Variants in ZNF730 observed in about 807,000 individuals in gnomAD.
The protein encoded by ZNF730 is zinc finger protein 730, also known as putative zinc finger protein 730.
In ZNF730, 12 loss-of-function variants were observed where a neutral mutation model predicts 12.6. The observed-to-expected ratio is 0.95, with a 90% confidence interval of 0.61 to 1.54. The LOEUF (loss-of-function observed/expected upper bound fraction) is 1.54, where lower values mean the gene tolerates loss of function less well. Ranked by LOEUF, ZNF730 falls within the 40% of genes most tolerant of loss-of-function variation. The pLI, the probability that ZNF730 is intolerant of heterozygous loss-of-function variation, is 0.00. For synonymous variants in ZNF730, 194 were observed against 195.8 expected, an observed-to-expected ratio of 0.99 and a Z score of 0.08; for missense variants, 643 against 583.5, an observed-to-expected ratio of 1.10 and a Z score of -1.05.
chr19:23,138,364 G>A (rs1439377444), intron 3 of ZNF730, among the ~76,000 whole-genome samples: 3 of 152,092 alleles, frequency 2.0e-5, no homozygotes, highest in Non-Finnish European at 4.4e-5. Flanking sequence ...GGGTTTCCAT[G>A]TAGGTAGAGC....
At chr19:23,116,435 T>C (rs751337166), upstream of ZNF730, among the ~76,000 whole-genome samples, 3 of 151,618 alleles carry the variant, frequency 2.0e-5, no homozygotes, top group African/African-American at 7.3e-5. Flanking sequence ...CTTCCTTTCA[T>C]CTCACTCTGT....
intron 1 of ZNF730, among the ~76,000 whole-genome samples, chr19:23,083,719 A>G (rs1383310725): frequency 1.3e-5 from 2 of 151,808 alleles, no homozygotes; most frequent in East Asian, 1.9e-4. Context: ...TTAGCCATTC[A>G]TATGTTTTTT....
rs1970826622 is a variant in ZNF730, at chr19:23,135,993, A to G, written c.176A>G (p.Glu59Gly). ...GACCTGATCACCTGTCTGGAGCAAG[A>G]AAAAGAGCCTTGGAATTTGAAGACA... Reference protein sequence around the residue: ...KPDLITCLEQEKEPWNLKTHD... With the variant: ...KPDLITCLEQGKEPWNLKTHD... The change falls in exon 3 of 4, where the codon GAA (glutamate) becomes GGA (glycine). Residue 59 changes from glutamate to glycine, a missense_variant. Coordinates refer to ENST00000597761, the MANE Select transcript of ZNF730 (RefSeq NM_001277403.2). 5.0e-6 allele frequency: 8 copies of G among 1,609,010 alleles called. No homozygotes were observed. The highest frequency in any genetic ancestry group is 6.8e-6 in the Non-Finnish European group (8 of 1,177,604).
chr19:23,093,126 G>A (rs890717133), intron 1 of ZNF730, among the ~76,000 whole-genome samples: 1 of 152,062 alleles, frequency 6.6e-6, no homozygotes, highest in African/African-American at 2.4e-5. Flanking sequence ...ACAGGCACAC[G>A]CCACTAGGCC....
At chr19:23,117,308 G>A in intron 1 of ZNF730, 132 bp downstream of exon 1, 4 of 1,539,744 alleles carry the variant, frequency 2.6e-6, no homozygotes, top group East Asian at 2.3e-5. Context: ...TGCCCAGCTC[G>A]GCCTCAGTCC....
At chr19:23,143,485 T>C (rs1970958119) in intron 3 of ZNF730, 1 of 152,212 alleles carries the variant, frequency 6.6e-6, no homozygotes, top group Non-Finnish European at 1.5e-5. Context: ...AAATCCTTTT[T>C]TTATGTATGT....
chr19:23,080,852 T>C (rs1051915837), intron 1 of ZNF730, among the ~76,000 whole-genome samples: 24 of 148,814 alleles, frequency 1.6e-4, no homozygotes, highest in Middle Eastern at 3.4e-3. Flanking sequence ...CTTTTCTTTT[T>C]TTTTTTTTTT....
intron 1 of ZNF730, among the ~76,000 whole-genome samples, chr19:23,117,926 T>C (rs945959673): frequency 2.6e-5 from 4 of 152,180 alleles, no homozygotes; most frequent in East Asian, 1.9e-4. Context: ...GCCACGTACC[T>C]CGAATTGCCT....
chr19:23,142,737 T>C (rs1386582788), intron 3 of ZNF730, among the ~76,000 whole-genome samples: 1 of 150,118 alleles, frequency 6.7e-6, no homozygotes, highest in Non-Finnish European at 1.5e-5. Context: ...AAGTTAATTA[T>C]ATATATTTTT....
chr19:23,122,270 A>G lies in ZNF730; in HGVS notation c.3+5094A>G, dbSNP rs566526997. ...ATTTTCCTGCCTCAGCCATTCAAGT[A>G]GCTGGGATTACAGGCTCCTGCCACC... On this transcript the variant is annotated intron_variant, in intron 1 of 3. Coordinates refer to ENST00000597761, the MANE Select transcript of ZNF730 (RefSeq NM_001277403.2). Among the ~76,000 whole-genome samples the G allele has an allele frequency of 3.3e-5, 5 of 150,610 alleles. No individual in the cohort carries two copies. The South Asian group carries it at 1.0e-3, about 32-fold the overall frequency.
chr19:23,092,230 A>G (rs780628848), intron 1 of ZNF730, among the ~76,000 whole-genome samples: 1 of 152,152 alleles, frequency 6.6e-6, no homozygotes, highest in Non-Finnish European at 1.5e-5. Flanking sequence ...TGGAACTGTA[A>G]GTCCAATTAA....
At chr19:23,076,848 A>T (rs1969870570) in intron 1 of ZNF730, among the ~76,000 whole-genome samples, 1 of 152,222 alleles carries the variant, frequency 6.6e-6, no homozygotes, top group Non-Finnish European at 1.5e-5. Context: ...ATATACCCAA[A>T]ATAATATAAA....
chr19:23,095,885 A>T (rs1335722554), intron 1 of ZNF730, among the ~76,000 whole-genome samples: 1 of 152,140 alleles, frequency 6.6e-6, no homozygotes, highest in Admixed American at 6.5e-5. Context: ...TAGCATACAC[A>T]TGATGTGATT....
rs1295983073 is a variant in ZNF730, at chr19:23,145,421, AC to A, written c.378del (p.His126GlnfsTer12). 1.3e-6 allele frequency: 2 copies of A among 1,584,444 alleles called. No homozygotes were observed. The highest frequency in any genetic ancestry group is 2.3e-5 in the South Asian group (2 of 87,566). ...AAAAATGTGGATGAGTTTAAGATGC[AC>A]AAAAAAGGTTATAATAGACATAACC... ...GCKNVDEFKM[H>X]KKGYNRHNQC... On this transcript the variant is annotated frameshift_variant, in exon 4 of 4. Transcript: ENST00000597761. LOFTEE classifies it low-confidence loss of function (END_TRUNC).
chr19:23,134,401 C>G (rs1256301546), intron 2 of ZNF730, among the ~76,000 whole-genome samples, 195 bp downstream of exon 2: 1 of 149,184 alleles, frequency 6.7e-6, no homozygotes, highest in African/African-American at 2.5e-5. Flanking sequence ...GGTCAGCCCC[C>G]CGCCCGGCCA....
At chr19:23,142,815 C>T (rs1970943213) in intron 3 of ZNF730, among the ~76,000 whole-genome samples, 1 of 151,252 alleles carries the variant, frequency 6.6e-6, no homozygotes, top group Non-Finnish European at 1.5e-5. Context: ...TTTTGTCCCT[C>T]ATTTTCTCTT....
chr19:23,121,835 G>T (rs1350364158), intron 1 of ZNF730, among the ~76,000 whole-genome samples: 1 of 152,186 alleles, frequency 6.6e-6, no homozygotes, highest in East Asian at 1.9e-4. Context: ...GTAGAAAAAA[G>T]TATAAATTAA....
intron 3 of ZNF730, among the ~76,000 whole-genome samples, chr19:23,139,588 G>A (rs918753387): frequency 5.3e-5 from 8 of 151,896 alleles, no homozygotes; most frequent in East Asian, 3.9e-4. Flanking sequence ...GCAGTGGCAC[G>A]ATCTCGGCTC....
chr19:23,108,007 A>AGTGG (rs1305240097), intron 1 of ZNF730, among the ~76,000 whole-genome samples: 1 of 152,156 alleles, frequency 6.6e-6, no homozygotes, highest in Non-Finnish European at 1.5e-5. Context: ...TGTCTTGCTC[A>AGTGG]GTGGGTACTC....
Sources: allele counts gnomAD v4.1 joint callset (sites outside exome capture counted in the v4.1 genomes callset), GRCh38; gene constraint gnomAD v4.1.1; transcripts MANE v1.5; gene names NCBI Gene and HGNC (gene_info 2026-07-23, HGNC 2026-07-21).